The following LDB2 variants were observed in gnomAD, a reference collection of about 807,000 sequenced individuals.
LDB2 encodes LIM domain-binding protein 2.
In LDB2, 12 loss-of-function variants were observed where a neutral mutation model predicts 44.3. That is an observed-to-expected ratio of 0.27 (90% CI 0.17 to 0.44). The LOEUF (loss-of-function observed/expected upper bound fraction) is 0.44, where lower values mean the gene tolerates loss of function less well. Among genes scored for constraint, LDB2 ranks in the 20% least tolerant of loss-of-function variants. The pLI, the probability that LDB2 is intolerant of heterozygous loss-of-function variation, is 1.00. For missense variants in LDB2, 344 were observed against 473.5 expected (o/e 0.73, Z 2.54); for synonymous variants, 164 against 174.8 (o/e 0.94, Z 0.49).
chr4:16,617,980 G>A (rs951526743), intron 2 of LDB2, among the ~76,000 whole-genome samples: 14 of 152,082 alleles, frequency 9.2e-5, no homozygotes, highest in African/African-American at 3.1e-4. Flanking sequence ...CTTCTGTCTT[G>A]TATTTTTCTG....
rs189372908 is a variant in LDB2, at chr4:16,728,393, A to G, written c.235+30765T>C. On this transcript the variant is annotated intron_variant, in intron 2 of 7. Transcript: ENST00000304523. ...AGAAATAGAAATAGAGAGATGAGAT[A>G]GCTAGATTAGCTAGCTAGATGGATG... Among the ~76,000 whole-genome samples the G allele has an allele frequency of 6.6e-4, 101 of 152,296 alleles. 1 individual carries two copies. In the East Asian group the frequency reaches 0.019, roughly 28 times the overall value.
intron 2 of LDB2, among the ~76,000 whole-genome samples, chr4:16,627,550 T>C (rs1006475184): frequency 6.6e-6 from 1 of 152,164 alleles, no homozygotes; most frequent in Non-Finnish European, 1.5e-5. Flanking sequence ...TTACATCAAC[T>C]ATCTCCATTT....
intron 2 of LDB2, among the ~76,000 whole-genome samples, chr4:16,708,248 G>A (rs1458866648): frequency 1.3e-5 from 2 of 152,094 alleles, no homozygotes; most frequent in Non-Finnish European, 2.9e-5. Flanking sequence ...TCAGGGAGAT[G>A]AAGTGGGAGA....
At chr4:16,758,009 C>T (rs1288307291) in intron 2 of LDB2, among the ~76,000 whole-genome samples, 1 of 152,146 alleles carries the variant, frequency 6.6e-6, no homozygotes, top group African/African-American at 2.4e-5. Context: ...GCCTGGCAAC[C>T]AGTTTCAGTT....
intron 2 of LDB2, among the ~76,000 whole-genome samples, chr4:16,639,157 C>T (rs1560721333): frequency 6.6e-6 from 1 of 152,048 alleles, no homozygotes; most frequent in African/African-American, 2.4e-5. Flanking sequence ...CACATTTTTC[C>T]CCCTGAATGA....
chr4:16,804,629 A>G (rs16894028), intron 1 of LDB2, among the ~76,000 whole-genome samples: 3,725 of 152,306 alleles, frequency 0.024, 156 homozygotes, highest in African/African-American at 0.085. Context: ...CTTACCAAAT[A>G]TAGCAGAGAG....
chr4:16,691,518 G>A (rs895107889), intron 2 of LDB2, among the ~76,000 whole-genome samples: 3 of 152,098 alleles, frequency 2.0e-5, no homozygotes, highest in African/African-American at 7.2e-5. Flanking sequence ...TTAACCACAG[G>A]GCAAGAACCC....
intron 2 of LDB2, among the ~76,000 whole-genome samples, chr4:16,741,040 G>A (rs80081233): frequency 0.029 from 4,432 of 152,254 alleles, 103 homozygotes; most frequent in African/African-American, 0.065. Flanking sequence ...CATCAAAGAT[G>A]TAATTTGATA....
At chr4:16,677,206 T>C (rs1746569250) in intron 2 of LDB2, among the ~76,000 whole-genome samples, 2 of 152,182 alleles carry the variant, frequency 1.3e-5, no homozygotes, top group African/African-American at 2.4e-5. Flanking sequence ...GATGAATGGA[T>C]AACAGAAGGA....
intron 2 of LDB2, among the ~76,000 whole-genome samples, chr4:16,625,740 C>T (rs141814443): frequency 6.6e-6 from 1 of 152,280 alleles, no homozygotes; most frequent in East Asian, 1.9e-4. Context: ...CTCCCAAAGC[C>T]TGCTAATTTC....
intron 1 of LDB2, among the ~76,000 whole-genome samples, chr4:16,841,403 T>G (rs971570025): frequency 2.0e-4 from 30 of 152,246 alleles, no homozygotes; most frequent in African/African-American, 6.8e-4. Context: ...ACATGGTTTA[T>G]TCAACATTTC....
At chr4:16,547,300 A>G (rs1577573099) in intron 5 of LDB2, among the ~76,000 whole-genome samples, 1 of 152,310 alleles carries the variant, frequency 6.6e-6, no homozygotes, top group African/African-American at 2.4e-5. Flanking sequence ...CTTCAGAGGG[A>G]GCGCAGCCAT....
At chr4:16,513,880 T>C (rs976570216) in intron 5 of LDB2, among the ~76,000 whole-genome samples, 10 of 152,148 alleles carry the variant, frequency 6.6e-5, no homozygotes, top group African/African-American at 2.2e-4. Flanking sequence ...CCGCCAAAGG[T>C]AGACATAAAA....
At chr4:16,671,510 C>G (rs975610022) in intron 2 of LDB2, among the ~76,000 whole-genome samples, 7 of 152,244 alleles carry the variant, frequency 4.6e-5, no homozygotes, top group African/African-American at 1.7e-4. Flanking sequence ...AGTCAGAGCC[C>G]AAGCCTGGTC....
intron 5 of LDB2, among the ~76,000 whole-genome samples, chr4:16,531,721 A>G (rs970546517): frequency 1.3e-5 from 2 of 152,218 alleles, no homozygotes; most frequent in Non-Finnish European, 2.9e-5. Flanking sequence ...TGTGTCATTC[A>G]TGCTTGAGTG....
At chr4:16,741,006 T>A (rs920637410) in intron 2 of LDB2, among the ~76,000 whole-genome samples, 1 of 152,172 alleles carries the variant, frequency 6.6e-6, no homozygotes, top group Non-Finnish European at 1.5e-5. Context: ...TGGAAAAAAA[T>A]GCATTCACTT....
chr4:16,866,979 G>T (rs926449327), intron 1 of LDB2, among the ~76,000 whole-genome samples: 1 of 152,118 alleles, frequency 6.6e-6, no homozygotes, highest in Admixed American at 6.5e-5. Context: ...CTGGACTTTT[G>T]TGACAACCTT....
chr4:16,699,523 G>A (rs77523451), intron 2 of LDB2, among the ~76,000 whole-genome samples: 19 of 152,110 alleles, frequency 1.2e-4, no homozygotes, highest in Non-Finnish European at 2.5e-4. Context: ...GGTATATGAT[G>A]GCCTTGTATC....
At chr4:16,805,176 G>A (rs1561288089) in intron 1 of LDB2, among the ~76,000 whole-genome samples, 1 of 152,136 alleles carries the variant, frequency 6.6e-6, no homozygotes, top group Non-Finnish European at 1.5e-5. Flanking sequence ...TCGCTCCCAT[G>A]TTATCTGACC....
Sources: allele counts gnomAD v4.1 joint callset (sites outside exome capture counted in the v4.1 genomes callset), GRCh38; gene constraint gnomAD v4.1.1; transcripts MANE v1.5; gene names NCBI Gene and HGNC (gene_info 2026-07-23, HGNC 2026-07-21).